The following PABPC4L variants were observed in gnomAD, a reference collection of about 807,000 sequenced individuals.
PABPC4L encodes the protein polyadenylate-binding protein 4-like.
For missense variants in PABPC4L, 452 were observed against 451.4 expected (o/e 1.00, Z -0.01); for synonymous variants, 169 against 164.1 (o/e 1.03, Z -0.23).
At chr4:134,027,674 A>G in the PABPC4L span, among the ~76,000 whole-genome samples, 4 of 152,178 alleles carry the variant, frequency 2.6e-5, no homozygotes, top group African/African-American at 9.6e-5. Flanking sequence ...TATGGTGACT[A>G]TACTCAAATA....
the PABPC4L span, among the ~76,000 whole-genome samples, chr4:134,031,085 T>C: frequency 2.0e-5 from 3 of 152,192 alleles, no homozygotes; most frequent in Non-Finnish European, 4.4e-5. Flanking sequence ...TGCAATGTTT[T>C]TTGAAAACTG....
chr4:134,070,309 C>T, the PABPC4L span, among the ~76,000 whole-genome samples: 2 of 152,080 alleles, frequency 1.3e-5, no homozygotes, highest in Non-Finnish European at 2.9e-5. Context: ...GTGCCAGCAG[C>T]AGCGGCAGTG....
chr4:133,955,772 C>T, the PABPC4L span, among the ~76,000 whole-genome samples: 1 of 152,078 alleles, frequency 6.6e-6, no homozygotes, highest in Non-Finnish European at 1.5e-5. Context: ...GGGGGTTATG[C>T]CTGTATTTTT....
chr4:133,999,019 T>A, the PABPC4L span, among the ~76,000 whole-genome samples: 3 of 151,988 alleles, frequency 2.0e-5, no homozygotes, highest in African/African-American at 7.2e-5. Flanking sequence ...GGACTGTTCT[T>A]ATCTTTCTTA....
At chr4:133,959,885 T>A in the PABPC4L span, among the ~76,000 whole-genome samples, 1 of 152,246 alleles carries the variant, frequency 6.6e-6, no homozygotes, top group African/African-American at 2.4e-5. Context: ...TTTTCATCTT[T>A]GTCCTCAAAA....
the PABPC4L span, among the ~76,000 whole-genome samples, chr4:134,120,721 AT>A: frequency 6.6e-6 from 1 of 151,416 alleles, no homozygotes; most frequent in Non-Finnish European, 1.5e-5. Flanking sequence ...TTCTTTGAAA[AT>A]CATGTGTCTT....
the PABPC4L span, among the ~76,000 whole-genome samples, chr4:134,017,369 A>G: frequency 2.0e-5 from 3 of 152,130 alleles, no homozygotes; most frequent in Admixed American, 1.3e-4. Flanking sequence ...GTCTCATTCC[A>G]GACACCAGAC....
Position 134,200,904 on chromosome 4 carries a change from A to C in PABPC4L, c.116T>G (p.Ile39Ser). 1 of 1,560,996 alleles carries C rather than the reference A, an allele frequency of 6.4e-7. No individual in the cohort carries two copies. The highest frequency in any genetic ancestry group is 8.7e-7 in the Non-Finnish European group (1 of 1,152,302). ...KFSTVGPVLS[I>S]RICRDQVTRR... ...GGTGACCTGGTCCCTGCAAATGCGG[A>C]TGGACAGCACAGGCCCCACAGTGCT... The change falls in exon 2 of 2, where the codon ATC (isoleucine) becomes AGC (serine). Residue 39 changes from isoleucine (I) to serine (S), a missense_variant. By Grantham distance (142) the Ile-to-Ser change is moderately radical. Transcript: ENST00000421491.
At chr4:134,123,169 T>A in the PABPC4L span, among the ~76,000 whole-genome samples, 3 of 152,056 alleles carry the variant, frequency 2.0e-5, no homozygotes, top group Non-Finnish European at 2.9e-5. Context: ...GCTGATTTAC[T>A]AACATTAAAG....
chr4:134,120,143 G>A, the PABPC4L span, among the ~76,000 whole-genome samples: 1 of 151,354 alleles, frequency 6.6e-6, no homozygotes, highest in African/African-American at 2.4e-5. Context: ...TAAACTATCA[G>A]TTAATACTGA....
chr4:133,957,470 G>A, the PABPC4L span, among the ~76,000 whole-genome samples: 1 of 152,140 alleles, frequency 6.6e-6, no homozygotes, highest in African/African-American at 2.4e-5. Flanking sequence ...TTCACAGGTT[G>A]GCATTGAATG....
chr4:134,170,918 C>A, the PABPC4L span, among the ~76,000 whole-genome samples: 2 of 152,136 alleles, frequency 1.3e-5, no homozygotes, highest in African/African-American at 2.4e-5. Context: ...ACACTGCTTT[C>A]CCCAATTGCT....
At chr4:134,164,907 C>T in the PABPC4L span, among the ~76,000 whole-genome samples, 2 of 151,998 alleles carry the variant, frequency 1.3e-5, no homozygotes, top group African/African-American at 4.8e-5. Flanking sequence ...AATAGCATGG[C>T]ATTGGTTAAA....
the PABPC4L span, among the ~76,000 whole-genome samples, chr4:134,020,946 A>G: frequency 6.6e-6 from 1 of 152,108 alleles, no homozygotes; most frequent in Non-Finnish European, 1.5e-5. Flanking sequence ...ATTTCCTCAC[A>G]AGTCCTAACT....
the PABPC4L span, among the ~76,000 whole-genome samples, chr4:133,988,159 A>C: frequency 6.6e-6 from 1 of 152,150 alleles, no homozygotes; most frequent in Non-Finnish European, 1.5e-5. Flanking sequence ...TCGGGTGGAG[A>C]CACAGCCAAA....
chr4:134,150,185 C>A, the PABPC4L span, among the ~76,000 whole-genome samples: 7 of 151,316 alleles, frequency 4.6e-5, no homozygotes, highest in Non-Finnish European at 8.8e-5. Flanking sequence ...CGGGTTCAAG[C>A]GATTCTCCCT....
At chr4:134,135,764 T>C in the PABPC4L span, among the ~76,000 whole-genome samples, 73,763 of 151,746 alleles carry the variant, frequency 0.49, 21,525 homozygotes, top group East Asian at 0.98. Flanking sequence ...ACCAGGGAGG[T>C]AGAGGTTGTA....
the PABPC4L span, among the ~76,000 whole-genome samples, chr4:134,064,738 C>A: frequency 1.3e-5 from 2 of 152,144 alleles, no homozygotes; most frequent in South Asian, 4.1e-4. Context: ...CTTTTCATTT[C>A]TCACACTTCT....
At chr4:134,070,539 C>T in the PABPC4L span, among the ~76,000 whole-genome samples, 19 of 151,990 alleles carry the variant, frequency 1.3e-4, no homozygotes, top group East Asian at 3.9e-4. Context: ...GGGTGAGGTA[C>T]GCTCATGCCA....
Sources: gnomAD v4.1 joint callset for allele counts (sites outside exome capture counted in the v4.1 genomes callset) on GRCh38, gnomAD v4.1.1 for gene constraint, MANE v1.5 for transcripts, NCBI Gene and HGNC (gene_info 2026-07-23, HGNC 2026-07-21) for gene names.